TSHR: variants seen among roughly 807,000 people sequenced by gnomAD.
TSHR encodes thyroid stimulating hormone receptor.
A neutral mutation model predicts 64.1 loss-of-function variants in TSHR; 51 were observed. That is an observed-to-expected ratio of 0.80 (90% CI 0.64 to 1.01). The LOEUF (loss-of-function observed/expected upper bound fraction) is 1.01, where lower values mean the gene tolerates loss of function less well. Among genes scored for constraint, TSHR ranks in the 50% least tolerant of loss-of-function variants. The pLI is 0.00. For missense variants in TSHR, 877 were observed against 942.8 expected (o/e 0.93, Z 0.91); for synonymous variants, 361 against 361.9 (o/e 1.00, Z 0.03).
chr14:81,131,536 G>A (rs1566829986), intron 8 of TSHR, among the ~76,000 whole-genome samples: 1 of 152,178 alleles, frequency 6.6e-6, no homozygotes. Context: ...TCTCCCACAT[G>A]TTCTATGCCC....
intron 5 of TSHR, 21 bp from the exon 6 acceptor site, chr14:81,092,510 T>C (rs1888823527): frequency 6.2e-7 from 1 of 1,613,100 alleles, no homozygotes; most frequent in African/African-American, 1.3e-5. Context: ...CATTAAGTGT[T>C]TTTGTCCCTC....
chr14:81,128,681 T>C (rs1369602350), intron 8 of TSHR, among the ~76,000 whole-genome samples: 1 of 152,148 alleles, frequency 6.6e-6, no homozygotes, highest in Non-Finnish European at 1.5e-5. Context: ...ATAGGACACA[T>C]GGCATGTTCC....
At position 81,108,711 on chromosome 14, in the gene TSHR, A is replaced by T. The variant is rs750159230; in HGVS notation, c.692+259A>T. ...TGCTAAGGCAGCCACCTTGGTGTACATGCTCACAGAGGCTCTGTTCATGGA... is the reference window on the plus strand; with the variant it reads ...TGCTAAGGCAGCCACCTTGGTGTACTTGCTCACAGAGGCTCTGTTCATGGA... On this transcript the variant is annotated intron_variant, in intron 8 of 9. Transcript: ENST00000298171. 9 of 1,613,694 alleles carry T rather than the reference A, an allele frequency of 5.6e-6. No homozygotes were observed. The Admixed American group carries it at 1.3e-4, about 24-fold the overall frequency.
chr14:81,020,342 G>A (rs1263412353), intron 1 of TSHR, among the ~76,000 whole-genome samples: 1 of 152,182 alleles, frequency 6.6e-6, no homozygotes. Context: ...AGGCCACATA[G>A]AGGAAGTGAG....
chr14:81,084,767 C>A (rs963580346), intron 3 of TSHR, among the ~76,000 whole-genome samples: 4 of 152,230 alleles, frequency 2.6e-5, no homozygotes, highest in African/African-American at 9.6e-5. Flanking sequence ...CACACTCAGG[C>A]CATAATTGCT....
At chr14:81,049,887 C>T (rs1885346242) in intron 1 of TSHR, 1 of 152,236 alleles carries the variant, frequency 6.6e-6, no homozygotes, top group Non-Finnish European at 1.5e-5. Context: ...CTTCTGCTAC[C>T]TTCTGCCATG....
intron 1 of TSHR, among the ~76,000 whole-genome samples, chr14:81,022,496 G>A (rs1883818059): frequency 6.6e-6 from 1 of 152,036 alleles, no homozygotes; most frequent in African/African-American, 2.4e-5. Flanking sequence ...TTCATTTATT[G>A]AAACTAACCC....
intron 7 of TSHR, chr14:81,099,411 A>T (rs1889428975): frequency 6.6e-6 from 1 of 152,140 alleles, no homozygotes; most frequent in Non-Finnish European, 1.5e-5. Flanking sequence ...GCCATCACCA[A>T]GGTGTGAACA....
At chr14:81,061,329 T>C (rs1286032343) in intron 1 of TSHR, among the ~76,000 whole-genome samples, 4 of 152,122 alleles carry the variant, frequency 2.6e-5, no homozygotes, top group Non-Finnish European at 5.9e-5. Flanking sequence ...ATACAATATA[T>C]TATGTTGTTC....
chr14:81,011,388 A>G (rs1889897567), intron 1 of TSHR, among the ~76,000 whole-genome samples: 1 of 152,014 alleles, frequency 6.6e-6, no homozygotes, highest in African/African-American at 2.4e-5. Context: ...TGCTATTTCT[A>G]TTTTGGTCAT....
At chr14:81,063,998 A>T (rs1886423822) in intron 2 of TSHR, among the ~76,000 whole-genome samples, 1 of 152,168 alleles carries the variant, frequency 6.6e-6, no homozygotes, top group Non-Finnish European at 1.5e-5. Context: ...CAGTAGAAAA[A>T]AATAAAACTT....
At chr14:81,060,431 C>A (rs922448271) in intron 1 of TSHR, among the ~76,000 whole-genome samples, 13 of 152,076 alleles carry the variant, frequency 8.5e-5, no homozygotes, top group African/African-American at 2.9e-4. Flanking sequence ...ATTTATGGGA[C>A]CTGAATTTCT....
At chr14:81,002,075 C>T (rs1219150284) in intron 1 of TSHR, among the ~76,000 whole-genome samples, 1 of 152,124 alleles carries the variant, frequency 6.6e-6, no homozygotes, top group Non-Finnish European at 1.5e-5. Context: ...GAGGTGATAT[C>T]ATCTTTATTT....
rs568135846 is a variant in TSHR, at chr14:80,975,158, C to T, written c.170+19308C>T. Among the ~76,000 whole-genome samples the T allele has an allele frequency of 2.0e-5, 3 of 152,284 alleles. No individual in the cohort carries two copies. In the South Asian group the frequency reaches 6.2e-4, roughly 32 times the overall value. On this transcript the variant is annotated intron_variant, in intron 1 of 9. Transcript: ENST00000298171. ...CTCTTCCTATTCAGGGACAATCTTC[C>T]CCATTCAGCAGAGTAAGACTATGGC...
At chr14:81,109,472 G>C (rs1357525351) in intron 8 of TSHR, among the ~76,000 whole-genome samples, 1 of 152,082 alleles carries the variant, frequency 6.6e-6, no homozygotes, top group African/African-American at 2.4e-5. Flanking sequence ...GCACCGTAGA[G>C]ATACACAAGA....
intron 1 of TSHR, among the ~76,000 whole-genome samples, chr14:81,026,295 A>G (rs1385614161): frequency 1.3e-5 from 2 of 152,192 alleles, no homozygotes; most frequent in African/African-American, 2.4e-5. Flanking sequence ...TGATGGATGG[A>G]TGAGTAAAGA....
chr14:81,089,387 C>T (rs1168058631), intron 4 of TSHR, among the ~76,000 whole-genome samples: 1 of 152,152 alleles, frequency 6.6e-6, no homozygotes, highest in Non-Finnish European at 1.5e-5. Context: ...GCCATGAAAG[C>T]TTATGGGACA....
At chr14:80,963,234 A>G (rs1178155414) in intron 1 of TSHR, among the ~76,000 whole-genome samples, 1 of 152,178 alleles carries the variant, frequency 6.6e-6, no homozygotes, top group Non-Finnish European at 1.5e-5. Context: ...TCTCATTTCT[A>G]TTGTTAACTC....
chr14:81,030,007 T>C (rs1884266593), intron 1 of TSHR, among the ~76,000 whole-genome samples: 1 of 152,214 alleles, frequency 6.6e-6, no homozygotes, highest in South Asian at 2.1e-4. Flanking sequence ...CAAAGGCCTC[T>C]TTTGCCGTAA....
Sources: allele counts gnomAD v4.1 joint callset (sites outside exome capture counted in the v4.1 genomes callset), GRCh38; gene constraint gnomAD v4.1.1; transcripts MANE v1.5; gene names NCBI Gene and HGNC (gene_info 2026-07-23, HGNC 2026-07-21).